The following TUB variants were observed in gnomAD, a reference collection of about 807,000 sequenced individuals.
The protein encoded by TUB is tubby protein homolog.
A neutral mutation model predicts 59.7 loss-of-function variants in TUB; 33 were observed. That is an observed-to-expected ratio of 0.55 (90% CI 0.42 to 0.74). The LOEUF (loss-of-function observed/expected upper bound fraction) is 0.74, where lower values mean the gene tolerates loss of function less well. TUB is among the 30% of genes least tolerant of loss of function. The pLI is 0.00. For missense variants in TUB, 659 were observed against 672.0 expected (o/e 0.98, Z 0.21); for synonymous variants, 293 against 256.4 (o/e 1.14, Z -1.36).
intron 1 of TUB, among the ~76,000 whole-genome samples, chr11:8,025,005 A>G (rs565784184): frequency 2.8e-4 from 42 of 152,356 alleles, no homozygotes; most frequent in African/African-American, 9.1e-4. Context: ...AATGGTAGCT[A>G]CGTCTTAAGG....
At chr11:8,092,655 G>C (rs879913360) in intron 3 of TUB, among the ~76,000 whole-genome samples, 2 of 152,150 alleles carry the variant, frequency 1.3e-5, no homozygotes, top group Non-Finnish European at 2.9e-5. Context: ...ATTTGAACAT[G>C]TGACATTTGA....
chr11:8,088,032 G>C (rs1052886779), intron 1 of TUB, among the ~76,000 whole-genome samples: 4 of 152,196 alleles, frequency 2.6e-5, no homozygotes, highest in African/African-American at 9.6e-5. Context: ...CCAAGGCCTA[G>C]AAGTATGGCT....
intron 3 of TUB, among the ~76,000 whole-genome samples, chr11:8,091,698 C>T (rs1943781515): frequency 6.6e-6 from 1 of 152,182 alleles, no homozygotes; most frequent in African/African-American, 2.4e-5. Flanking sequence ...ACTTGAGAGG[C>T]CTTCAGAAAA....
Position 8,104,803 on chromosome 11 carries a change from T to A in TUB, c.*3184T>A, listed in dbSNP as rs1944468203. 6.6e-6 allele frequency: 1 copy of A among 152,182 alleles called. No homozygotes were observed. The highest frequency in any genetic ancestry group is 6.6e-5 in the Admixed American group (1 of 15,266). The allele number at this position is 152,182 out of a possible 1,614,324, so 9.4% of individuals were successfully genotyped here. On this transcript the variant is annotated 3_prime_UTR_variant, in exon 12 of 12. Coordinates refer to ENST00000299506, the MANE Select transcript of TUB (RefSeq NM_177972.3). ...ACACTAGTTCAGAGGAAGCACATAATGTCCAGATCTATGGCGAACACAGGT... is the reference window on the plus strand; with the variant it reads ...ACACTAGTTCAGAGGAAGCACATAAAGTCCAGATCTATGGCGAACACAGGT...
chr11:8,075,688 T>C (rs1175171169), intron 2 of TUB: 3 of 150,174 alleles, frequency 2.0e-5, no homozygotes, highest in Non-Finnish European at 4.4e-5. Context: ...GGTTGTCTTG[T>C]CAGTAATTAA....
chr11:8,049,223 T>C (rs1246159639), intron 2 of TUB, among the ~76,000 whole-genome samples: 1 of 151,984 alleles, frequency 6.6e-6, no homozygotes, highest in African/African-American at 2.4e-5. Context: ...CCAAGGGGAC[T>C]TTCAGTGCCC....
intron 1 of TUB, among the ~76,000 whole-genome samples, chr11:8,021,283 A>C (rs1942422547): frequency 6.6e-6 from 1 of 152,120 alleles, no homozygotes. Context: ...AACATGGTGA[A>C]ACCCCGTCTG....
intron 1 of TUB, 81 bp from the exon 2 acceptor site, chr11:8,089,529 A>G (rs954625156): frequency 6.4e-7 from 1 of 1,568,190 alleles, no homozygotes; most frequent in Middle Eastern, 1.7e-4. Flanking sequence ...TAACGGGCCC[A>G]GATATGCTGG....
intron 2 of TUB, among the ~76,000 whole-genome samples, chr11:8,056,427 G>A (rs1943022705): frequency 6.6e-6 from 1 of 152,180 alleles, no homozygotes; most frequent in Non-Finnish European, 1.5e-5. Context: ...ATAAATAAAT[G>A]ATGGGCACAT....
chr11:8,081,564 G>T lies in TUB; in HGVS notation c.38+16G>T. 1 of 1,528,176 alleles carries T rather than the reference G, an allele frequency of 6.5e-7. No homozygotes were observed. The highest frequency in any genetic ancestry group is 8.8e-7 in the Non-Finnish European group (1 of 1,141,726). 94.7% of individuals were successfully genotyped at this position (1,528,176 alleles called of 1,614,324 possible). On this transcript the variant is annotated intron_variant, in intron 1 of 11. Coordinates refer to ENST00000299506, the MANE Select transcript of TUB (RefSeq NM_177972.3). ...TTCCCTACAGGTACGCGGGCGCCGG[G>T]CCGGGGCGCCCACCACTCCCGACTC...
At chr11:8,092,857 T>C (rs1013999522) in intron 3 of TUB, among the ~76,000 whole-genome samples, 5 of 152,148 alleles carry the variant, frequency 3.3e-5, no homozygotes, top group Non-Finnish European at 7.4e-5. Context: ...GGCGTTAAAT[T>C]CAGGGGATCA....
rs759271537 is a variant in TUB, at chr11:8,097,211, A to C, written c.688-17A>C. The C allele has an allele frequency of 6.2e-7, 1 of 1,613,628 alleles. No homozygotes were observed. On this transcript the variant is annotated splice_polypyrimidine_tract_variant and intron_variant, in intron 6 of 11. Transcript: ENST00000299506. ...TAGGGTCCTTGGGGCTCAGGCACCT[A>C]TTCTGCATCCCCATAGGAGGCAGCC...
Position 8,097,356 on chromosome 11 carries a change from C to T in TUB, c.816C>T (p.Asp272=), listed in dbSNP as rs527346107. The change falls in exon 7 of 12, where the codon GAC becomes GAT. Residue 272 remains aspartate (D), a synonymous_variant. Transcript: ENST00000299506. The part of the protein sequence containing the change: ...GITIKCRITR[D]KKGMDRGMYP... Reference sequence around the variant, plus strand: ...CCATCAAATGCCGCATCACTCGGGACAAGAAAGGGATGGACCGGGGCATGT... The same window carrying T: ...CCATCAAATGCCGCATCACTCGGGATAAGAAAGGGATGGACCGGGGCATGT... 1.9e-6 allele frequency: 3 copies of T among 1,614,052 alleles called. No homozygotes were observed. Among genetic ancestry groups the T allele is most frequent in the Non-Finnish European group, 2.5e-6 (3 of 1,180,034 alleles).
chr11:8,039,894 T>C (rs1942718418), intron 2 of TUB, among the ~76,000 whole-genome samples: 1 of 152,222 alleles, frequency 6.6e-6, no homozygotes, highest in Admixed American at 6.5e-5. Context: ...TATTGTGGCC[T>C]TGGGTTTGTC....
intron 2 of TUB, among the ~76,000 whole-genome samples, chr11:8,060,668 C>T (rs1459954337): frequency 1.3e-5 from 2 of 152,152 alleles, no homozygotes; most frequent in Non-Finnish European, 2.9e-5. Flanking sequence ...AATCTAGTCC[C>T]ACCCTGTCCC....
upstream of TUB, among the ~76,000 whole-genome samples, chr11:8,034,587 C>T (rs924791008): frequency 2.6e-5 from 4 of 152,190 alleles, no homozygotes; most frequent in East Asian, 1.9e-4. Context: ...GTTCAATTTC[C>T]ATTCAAAACA....
intron 2 of TUB, among the ~76,000 whole-genome samples, chr11:8,058,807 AG>A (rs1943067485): frequency 1.3e-5 from 2 of 152,252 alleles, no homozygotes; most frequent in South Asian, 4.1e-4. Flanking sequence ...ATAAAGAGTT[AG>A]GCGAAACTCA....
intron 10 of TUB, 90 bp from the exon 11 acceptor site, chr11:8,100,736 C>T (rs1944251175): frequency 6.3e-7 from 1 of 1,574,878 alleles, no homozygotes; most frequent in South Asian, 1.1e-5. Context: ...TAGGGAAATC[C>T]AAGGACCCCC....
chr11:8,046,546 T>C (rs1942836524), intron 2 of TUB, among the ~76,000 whole-genome samples: 1 of 152,240 alleles, frequency 6.6e-6, no homozygotes, highest in Non-Finnish European at 1.5e-5. Flanking sequence ...CATTCCCTGA[T>C]ATTTAATTAA....
Sources: allele counts gnomAD v4.1 joint callset (sites outside exome capture counted in the v4.1 genomes callset), GRCh38; gene constraint gnomAD v4.1.1; transcripts MANE v1.5; gene names NCBI Gene and HGNC (gene_info 2026-07-23, HGNC 2026-07-21).